TC2N: variants seen among roughly 807,000 people sequenced by gnomAD.
TC2N encodes tandem C2 domains nuclear protein.
In TC2N, 51 loss-of-function variants were observed where a neutral mutation model predicts 61.9. The ratio of observed to expected loss-of-function variants is 0.82; its 90% CI spans 0.66 to 1.04. TC2N has a LOEUF of 1.04. Among genes scored for constraint, TC2N ranks in the 50% least tolerant of loss-of-function variants. The pLI, the probability that TC2N is intolerant of heterozygous loss-of-function variation, is 0.00. For synonymous variants in TC2N, 204 were observed against 192.6 expected (o/e 1.06, Z -0.49); for missense variants, 556 against 566.7 (o/e 0.98, Z 0.19).
chr14:91,802,660 C>T (rs1345950153), intron 3 of TC2N, among the ~76,000 whole-genome samples: 1 of 151,810 alleles, frequency 6.6e-6, no homozygotes, highest in Non-Finnish European at 1.5e-5. Flanking sequence ...TTTTTCTTTG[C>T]CCCATAGACA....
At chr14:91,798,464 G>T in intron 6 of TC2N, 65 bp from the exon 7 acceptor site, 2 of 847,120 alleles carry the variant, frequency 2.4e-6, no homozygotes, top group African/African-American at 1.8e-5. Flanking sequence ...ATTAAGCTTT[G>T]ACACAATCCA....
intron 3 of TC2N, among the ~76,000 whole-genome samples, chr14:91,803,230 A>G (rs1886343891): frequency 6.6e-6 from 1 of 152,040 alleles, no homozygotes; most frequent in Non-Finnish European, 1.5e-5. Flanking sequence ...AATTAGTTCC[A>G]TGGGGATTGT....
At chr14:91,792,651 T>C (rs1885719633) in intron 8 of TC2N, 93 bp from the exon 9 acceptor site, 3 of 564,424 alleles carry the variant, frequency 5.3e-6, no homozygotes, top group African/African-American at 1.9e-5. Context: ...AGGAAAGGTA[T>C]ATTCAATTCT....
rs754791654 is a variant in TC2N at position 91,812,529 on chromosome 14, A to G, written c.84T>C (p.Asp28=). The change falls in exon 3 of 12, where the codon GAT becomes GAC. Residue 28 remains aspartate, a synonymous_variant. Coordinates refer to ENST00000435962, the MANE Select transcript of TC2N (RefSeq NM_001128596.3). ...GACTATTTGGGACTGCTGCTTTAAA[A>G]TCTCTTTCCACAGAAACTGCATATA... ...TEKHNFSVER[D]FKAAVPNSQN... is the part of the protein sequence containing the mutation. 7 of 1,576,958 alleles carry G rather than the reference A, an allele frequency of 4.4e-6. No homozygotes were observed. Among genetic ancestry groups the G allele is most frequent in the South Asian group, 3.5e-5 (3 of 86,692 alleles).
At chr14:91,819,196 G>A (rs945941813) in intron 1 of TC2N, among the ~76,000 whole-genome samples, 4 of 152,094 alleles carry the variant, frequency 2.6e-5, no homozygotes, top group East Asian at 1.9e-4. Context: ...TGAGCATGGT[G>A]GTGTGTGCTT....
chr14:91,806,535 A>G lies in TC2N; in HGVS notation c.302-4114T>C, dbSNP rs545943880. Among the ~76,000 whole-genome samples the G allele has an allele frequency of 7.2e-5, 11 of 152,294 alleles. No homozygotes were observed. The South Asian group carries it at 2.3e-3, about 32-fold the overall frequency. Reference sequence around the variant, plus strand: ...AACTGCAGTAAAAGTGGCTCTTGCTATGTTTTAGCAAAGACACTGGTGTCA... The same window carrying G: ...AACTGCAGTAAAAGTGGCTCTTGCTGTGTTTTAGCAAAGACACTGGTGTCA... On this transcript the variant is annotated intron_variant, in intron 3 of 11. Transcript: ENST00000435962.
intron 1 of TC2N, among the ~76,000 whole-genome samples, chr14:91,821,826 T>A (rs1325360666): frequency 2.0e-5 from 3 of 151,590 alleles, no homozygotes; most frequent in African/African-American, 4.8e-5. Context: ...AATAACCCAA[T>A]TAAAAAATAG....
At chr14:91,854,866 A>G (rs12898064) in intron 1 of TC2N, among the ~76,000 whole-genome samples, 65,218 of 152,020 alleles carry the variant, frequency 0.43, 15,496 homozygotes, top group Admixed American at 0.53. Context: ...GAAATAGAGA[A>G]GGAGCCAGTC....
At chr14:91,850,879 C>T (rs1888362302) in intron 1 of TC2N, among the ~76,000 whole-genome samples, 1 of 151,960 alleles carries the variant, frequency 6.6e-6, no homozygotes, top group Non-Finnish European at 1.5e-5. Flanking sequence ...TGCAGTGAGC[C>T]GATATTGCAC....
At chr14:91,806,008 GA>G (rs1468317180) in intron 3 of TC2N, among the ~76,000 whole-genome samples, 2 of 152,166 alleles carry the variant, frequency 1.3e-5, no homozygotes, top group African/African-American at 4.8e-5. Context: ...GAATCATGGG[GA>G]CAGTTTCCCC....
intron 1 of TC2N, among the ~76,000 whole-genome samples, chr14:91,828,703 G>C (rs1288884176): frequency 1.3e-5 from 2 of 151,886 alleles, no homozygotes; most frequent in Admixed American, 6.6e-5. Context: ...TATCATAATA[G>C]GATTTTGCTG....
At chr14:91,792,308 C>A (rs1223322861) in intron 9 of TC2N, 59 bp downstream of exon 9, 2 of 1,145,280 alleles carry the variant, frequency 1.7e-6, no homozygotes, top group Non-Finnish European at 1.2e-6. Context: ...CAAACAAAAG[C>A]CCATCCACCA....
intron 1 of TC2N, among the ~76,000 whole-genome samples, chr14:91,844,489 C>T (rs527591027): frequency 1.3e-5 from 2 of 152,236 alleles, no homozygotes; most frequent in South Asian, 2.1e-4. Flanking sequence ...ATGGGCCCAA[C>T]GTGGTGGCTC....
chr14:91,793,991 T>C (rs1397649728), intron 8 of TC2N, among the ~76,000 whole-genome samples: 1 of 152,212 alleles, frequency 6.6e-6, no homozygotes, highest in Non-Finnish European at 1.5e-5. Context: ...AAATTAAACA[T>C]GCTACTCCAG....
intron 10 of TC2N, among the ~76,000 whole-genome samples, chr14:91,786,136 C>T (rs1455390951): frequency 2.0e-5 from 3 of 152,182 alleles, no homozygotes; most frequent in South Asian, 2.1e-4. Context: ...GAGATCCGAC[C>T]GTCAGATTGA....
At chr14:91,816,110 T>C (rs1057201784) in intron 1 of TC2N, among the ~76,000 whole-genome samples, 1 of 151,802 alleles carries the variant, frequency 6.6e-6, no homozygotes, top group Non-Finnish European at 1.5e-5. Flanking sequence ...ATTTCTCAGA[T>C]ATTTCTCAGT....
intron 5 of TC2N, among the ~76,000 whole-genome samples, chr14:91,799,718 TAAC>T (rs1423936116): frequency 6.6e-6 from 1 of 152,098 alleles, no homozygotes; most frequent in Non-Finnish European, 1.5e-5. Context: ...TGAGTACACA[TAAC>T]AATATTTTCA....
chr14:91,851,854 A>G (rs1018702184), intron 1 of TC2N, among the ~76,000 whole-genome samples: 85 of 152,368 alleles, frequency 5.6e-4, no homozygotes, highest in African/African-American at 1.9e-3. Context: ...TACTAAGACA[A>G]AAAGTGGTCC....
chr14:91,847,577 A>G (rs1269116999), intron 1 of TC2N, among the ~76,000 whole-genome samples: 4 of 152,236 alleles, frequency 2.6e-5, no homozygotes, highest in Non-Finnish European at 4.4e-5. Flanking sequence ...AATAAGGCCC[A>G]TGACCTTCAC....
Sources: allele counts gnomAD v4.1 joint callset (sites outside exome capture counted in the v4.1 genomes callset), GRCh38; gene constraint gnomAD v4.1.1; transcripts MANE v1.5; gene names NCBI Gene and HGNC (gene_info 2026-07-23, HGNC 2026-07-21).